Variants in NAA15 observed in about 807,000 individuals in gnomAD.
NAA15 encodes N-terminal acetyltransferase.
A neutral mutation model predicts 114.0 loss-of-function variants in NAA15; 34 were observed. The ratio of observed to expected loss-of-function variants is 0.30; its 90% CI spans 0.23 to 0.40. The LOEUF (loss-of-function observed/expected upper bound fraction) is 0.40, where lower values mean the gene tolerates loss of function less well. NAA15 is among the 10% of genes least tolerant of loss of function. The pLI is 1.00. For synonymous variants in NAA15, 340 were observed against 338.0 expected (o/e 1.01, Z -0.06); for missense variants, 658 against 1,004.5 (o/e 0.66, Z 4.66).
chr4:139,310,950 T>C (rs115394426), intron 1 of NAA15, among the ~76,000 whole-genome samples: 2,273 of 151,898 alleles, frequency 0.015, 75 homozygotes, highest in African/African-American at 0.051. Context: ...AGAGTCTTAC[T>C]CTGTTGCCCA....
intron 14 of NAA15, 138 bp from the exon 15 acceptor site, chr4:139,370,073 G>C (rs1461697108): frequency 7.7e-6 from 5 of 652,464 alleles, no homozygotes; most frequent in African/African-American, 7.6e-5. Flanking sequence ...CCAAAGTGCT[G>C]GGATTATAGG....
At chr4:139,321,704 C>T (rs1031092510) in intron 1 of NAA15, among the ~76,000 whole-genome samples, 9 of 144,982 alleles carry the variant, frequency 6.2e-5, no homozygotes, top group Non-Finnish European at 9.0e-5. Context: ...AGGATGGTCT[C>T]GATCTCCTGA....
At chr4:139,354,987 C>T (rs1449962795) in intron 10 of NAA15, among the ~76,000 whole-genome samples, 1 of 152,192 alleles carries the variant, frequency 6.6e-6, no homozygotes, top group African/African-American at 2.4e-5. Flanking sequence ...AGTGATTCTC[C>T]TGCCTCAGCC....
At position 139,314,136 on chromosome 4, in the gene NAA15, A is replaced by G. The variant is rs1217320437; in HGVS notation, c.54+12305A>G. Among the ~76,000 whole-genome samples, 12 of 152,014 alleles carry G rather than the reference A, an allele frequency of 7.9e-5. 1 individual carries two copies. Among genetic ancestry groups the G allele is most frequent in the Non-Finnish European group, 1.0e-4 (7 of 68,016 alleles). ...ACAGTGCTTGCTTGCAGAAGTGGGC[A>G]TCTGAAGGATTACAGTTTGTAAATT... On this transcript the variant is annotated intron_variant, in intron 1 of 19. Transcript: ENST00000296543.
chr4:139,354,161 T>A, intron 10 of NAA15, 63 bp downstream of exon 10: 1 of 1,340,722 alleles, frequency 7.5e-7, no homozygotes, highest in Non-Finnish European at 1.1e-6. Flanking sequence ...GTGAAATTCT[T>A]AATCAGAAGG....
chr4:139,344,434 G>T, intron 6 of NAA15, 95 bp downstream of exon 6: 2 of 962,308 alleles, frequency 2.1e-6, no homozygotes, highest in Non-Finnish European at 1.5e-6. Flanking sequence ...ATATAATTCA[G>T]CTTTTTGATG....
chr4:139,353,264 T>C (rs1251023234), intron 9 of NAA15, among the ~76,000 whole-genome samples: 1 of 152,192 alleles, frequency 6.6e-6, no homozygotes, highest in Non-Finnish European at 1.5e-5. Flanking sequence ...TTAGTAGGCT[T>C]GTAGCTCAGC....
chr4:139,382,436 A>G (rs1748779523), intron 17 of NAA15, among the ~76,000 whole-genome samples: 1 of 152,120 alleles, frequency 6.6e-6, no homozygotes, highest in Non-Finnish European at 1.5e-5. Flanking sequence ...AAAAAAGATA[A>G]TGAAAACCAT....
rs747114518 is a variant in NAA15, at chr4:139,384,872, A to G, written c.2196A>G (p.Thr732=). The G allele has an allele frequency of 1.0e-5, 16 of 1,536,652 alleles. No homozygotes were observed. The highest frequency in any genetic ancestry group is 1.4e-5 in the Non-Finnish European group (16 of 1,135,266). The part of the protein sequence containing the change: ...ESKDLSDTVR[T]VLKQEMNRLF... Reference sequence around the variant, plus strand: ...AAGATTTATCTGATACAGTTAGAACAGTATTAAAACAAGAAATGAATCGTC... The same window carrying G: ...AAGATTTATCTGATACAGTTAGAACGGTATTAAAACAAGAAATGAATCGTC... The change falls in exon 18 of 20, where the codon ACA becomes ACG. Residue 732 remains threonine, a synonymous_variant. Transcript: ENST00000296543.
chr4:139,376,210 C>G (rs1748576335), intron 15 of NAA15, among the ~76,000 whole-genome samples, 155 bp from the exon 16 acceptor site: 1 of 152,094 alleles, frequency 6.6e-6, no homozygotes, highest in Admixed American at 6.6e-5. Context: ...TTCAAAATCC[C>G]CTTTTTTAGG....
chr4:139,359,801 C>T lies in NAA15; in HGVS notation c.1316C>T (p.Thr439Ile). 6.2e-7 allele frequency: 1 copy of T among 1,608,126 alleles called. No individual in the cohort carries two copies. The highest frequency in any genetic ancestry group is 8.5e-7 in the Non-Finnish European group (1 of 1,178,914). ...RWMDEAQALDTADRFINSKCA... is the reference protein window; with the variant it reads ...RWMDEAQALDIADRFINSKCA... ...ATGGATGAGGCCCAGGCCTTGGACA[C>T]AGCAGACAGATTTATCAACTCCAAA... Residue 439 changes from threonine to isoleucine, a missense_variant, in exon 12 of 20, where the codon ACA (threonine) becomes ATA (isoleucine). This residue lies in a region of NAA15 where 281 missense variants were observed against 389.1 expected (regional missense o/e 0.72). Transcript: ENST00000296543.
intron 14 of NAA15, 54 bp from the exon 15 acceptor site, chr4:139,370,157 T>C: frequency 7.6e-7 from 1 of 1,319,850 alleles, no homozygotes; most frequent in Non-Finnish European, 1.0e-6. Flanking sequence ...TACTTAAAAT[T>C]ACTAATCTGA....
chr4:139,382,189 C>T (rs570219245), intron 17 of NAA15, among the ~76,000 whole-genome samples: 56 of 152,204 alleles, frequency 3.7e-4, no homozygotes, highest in African/African-American at 1.3e-3. Context: ...CTGGGTTTTA[C>T]TGCAGTAGAA....
In NAA15 at chr4:139,301,703, A is replaced by ACGGCAGCGGCGGCGGTC; in HGVS notation, c.-74_-58dup. 6.7e-7 allele frequency: 1 copy of ACGGCAGCGGCGGCGGTC among 1,502,560 alleles called. No individual in the cohort carries two copies. Among genetic ancestry groups the ACGGCAGCGGCGGCGGTC allele is most frequent in the Non-Finnish European group, 9.0e-7 (1 of 1,110,216 alleles). The allele number at this position is 1,502,560 out of a possible 1,614,324, so 93.1% of individuals were successfully genotyped here. A position where few individuals can be genotyped will look rare whatever the true frequency, so the allele number is the denominator to read the frequency against. On this transcript the variant is annotated 5_prime_UTR_variant, in exon 1 of 20. Coordinates refer to ENST00000296543, the MANE Select transcript of NAA15 (RefSeq NM_057175.5). ...TATTCAAGGCTGAAGCAGCTACGGA[A>ACGGCAGCGGCGGCGGTC]CGGCAGCGGCGGCGGTCGGACAAAC...
In NAA15 at chr4:139,362,911, A is replaced by G. The variant is rs532024536; in HGVS notation, c.1753+974A>G. On this transcript the variant is annotated intron_variant, in intron 14 of 19. Coordinates refer to ENST00000296543, the MANE Select transcript of NAA15 (RefSeq NM_057175.5). ...TTTAATTTTTTTTTCTTTTAAGCCT[A>G]TTTCTTTTTTGAGGATATGATTGGC... Among the ~76,000 whole-genome samples the G allele has an allele frequency of 6.6e-5, 10 of 152,140 alleles. No individual in the cohort carries two copies. The East Asian group carries it at 1.4e-3, about 21-fold the overall frequency.
intron 1 of NAA15, among the ~76,000 whole-genome samples, chr4:139,309,683 T>TCCCATACA (rs1259064391): frequency 9.1e-4 from 138 of 152,316 alleles, no homozygotes; most frequent in African/African-American, 3.2e-3. Context: ...AATTCTGTAT[T>TCCCATACA]GTGTTAGAAA....
chr4:139,357,069 C>T (rs927606650), intron 10 of NAA15, among the ~76,000 whole-genome samples: 3 of 151,608 alleles, frequency 2.0e-5, no homozygotes, highest in African/African-American at 4.8e-5. Context: ...TCAGTATGCT[C>T]TCATAGTTCT....
chr4:139,386,363 T>C (rs573863291), intron 19 of NAA15, 133 bp downstream of exon 19: 2 of 484,874 alleles, frequency 4.1e-6, no homozygotes, highest in East Asian at 6.5e-5. Context: ...ATCTTAAAAT[T>C]TATTTAGGCT....
chr4:139,323,053 C>CTTTTTTTTTTT (rs67137305), intron 1 of NAA15, among the ~76,000 whole-genome samples: 8 of 117,470 alleles, frequency 6.8e-5, no homozygotes, highest in Admixed American at 9.0e-5. Flanking sequence ...CTTTTCTTTT[C>CTTTTTTTTTTT]TTTTTTTTTT....
Sources: allele counts gnomAD v4.1 joint callset (sites outside exome capture counted in the v4.1 genomes callset), GRCh38; gene constraint gnomAD v4.1.1; regional missense constraint gnomAD v4.1.1; transcripts MANE v1.5; gene names NCBI Gene and HGNC (gene_info 2026-07-23, HGNC 2026-07-21).